CFHR5: variants seen among roughly 807,000 people sequenced by gnomAD.
CFHR5 encodes complement factor H-related protein 5.
Under a neutral mutation model 62.9 loss-of-function variants are expected in CFHR5, and 73 were observed. The ratio of observed to expected loss-of-function variants is 1.16; its 90% CI spans 0.96 to 1.41. The LOEUF (loss-of-function observed/expected upper bound fraction) is 1.41. CFHR5 is among the 40% of genes most tolerant of loss of function. CFHR5 has a pLI of 0.00. For missense variants in CFHR5, 779 were observed against 679.9 expected (o/e 1.15, Z -1.62); for synonymous variants, 249 against 227.2 (o/e 1.10, Z -0.86).
rs754934306 is a variant in CFHR5 at position 196,984,033 on chromosome 1, C to T, written c.326C>T (p.Thr109Ile). The change falls in exon 3 of 10, where the codon ACT (threonine) becomes ATT (isoleucine). Residue 109 changes from threonine to isoleucine, a missense_variant. Coordinates refer to ENST00000256785, the MANE Select transcript of CFHR5 (RefSeq NM_030787.4). ...GGACTAATACATCTGGAAGGTGATA[C>T]TGTACAAATTATTTGCAACACAGGA... ...SSGLIHLEGD[T>I]VQIICNTGYS... 3.7e-6 allele frequency: 6 copies of T among 1,612,362 alleles called. No individual in the cohort carries two copies. The highest frequency in any genetic ancestry group is 5.1e-6 in the Non-Finnish European group (6 of 1,178,604).
chr1:196,999,677 G>A (rs1654080263), intron 7 of CFHR5, among the ~76,000 whole-genome samples: 1 of 105,220 alleles, frequency 9.5e-6, no homozygotes, highest in African/African-American at 4.0e-5. Context: ...TCTATTTTGG[G>A]AAAAAGTATA....
rs753176414 is a variant in CFHR5 at position 197,002,493 on chromosome 1, C to A, written c.1159C>A (p.Gln387Lys). The A allele has an allele frequency of 6.2e-7, 1 of 1,612,446 alleles. No individual in the cohort carries two copies. The highest frequency in any genetic ancestry group is 1.3e-5 in the African/African-American group (1 of 74,906). The change falls in exon 8 of 10, where the codon CAA becomes AAA. Residue 387 changes from glutamine to lysine, a missense_variant. Physicochemically the swap from Gln to Lys is moderately conservative, Grantham distance 53 (BLOSUM62 1). Coordinates refer to ENST00000256785, the MANE Select transcript of CFHR5 (RefSeq NM_030787.4). ...CCAATATTTTGTAGAAAAAAGGGAA[C>A]AATTCTGCCCACCGCCACCTCAGAT... ...PEVDCTEKREQFCPPPPQIPN... is the reference protein window; with the variant it reads ...PEVDCTEKREKFCPPPPQIPN...
intron 7 of CFHR5, among the ~76,000 whole-genome samples, chr1:197,000,220 A>G (rs1654114347): frequency 6.6e-6 from 1 of 152,108 alleles, no homozygotes; most frequent in Admixed American, 6.6e-5. Flanking sequence ...GCTGGTAGCT[A>G]GTAGTCTGGA....
chr1:197,005,149 T>C (rs943440855), intron 9 of CFHR5, among the ~76,000 whole-genome samples: 1 of 152,174 alleles, frequency 6.6e-6, no homozygotes, highest in Non-Finnish European at 1.5e-5. Context: ...GTTATAAGCA[T>C]CTACCTGAGA....
chr1:196,987,658 A>C (rs1171123017), intron 3 of CFHR5, among the ~76,000 whole-genome samples: 1 of 152,126 alleles, frequency 6.6e-6, no homozygotes, highest in Non-Finnish European at 1.5e-5. Flanking sequence ...GGTTTGTCAA[A>C]GATCAAATGG....
intron 7 of CFHR5, among the ~76,000 whole-genome samples, chr1:197,001,202 C>A (rs1170432126): frequency 1.3e-5 from 2 of 151,946 alleles, no homozygotes; most frequent in African/African-American, 4.8e-5. Flanking sequence ...ACATAAAATA[C>A]GCATCAGTGG....
At position 196,998,292 on chromosome 1, in the gene CFHR5, G is replaced by A. The variant is rs111327589; in HGVS notation, c.1135G>A (p.Val379Ile). 4.3e-6 allele frequency: 7 copies of A among 1,610,828 alleles called. No individual in the cohort carries two copies. In the East Asian group the frequency reaches 1.6e-4, roughly 36 times the overall value. The change falls in exon 7 of 10, where the codon GTA becomes ATA. Residue 379 changes from valine to isoleucine, a missense_variant. Coordinates refer to ENST00000256785, the MANE Select transcript of CFHR5 (RefSeq NM_030787.4). ...VCINGKWNPE[V>I]DCTEKREQFC... ...TATAAACGGGAAATGGAATCCTGAA[G>A]TAGACTGCACAGGTAAGATTTGTTT...
At position 196,998,306 on chromosome 1, in the gene CFHR5, T is replaced by A. The variant is rs1414711278; in HGVS notation, c.1147+2T>A. 7 of 1,608,530 alleles carry A rather than the reference T, an allele frequency of 4.4e-6. No homozygotes were observed. Among genetic ancestry groups the A allele is most frequent in the African/African-American group, 2.7e-5 (2 of 74,788 alleles). On this transcript the variant is annotated splice_donor_variant, in intron 7 of 9. Coordinates refer to ENST00000256785, the MANE Select transcript of CFHR5 (RefSeq NM_030787.4). LOFTEE classifies it high-confidence loss of function. ...GGAATCCTGAAGTAGACTGCACAGGTAAGATTTGTTTAAAACATTTTGTTG... is the reference window on the plus strand; with the variant it reads ...GGAATCCTGAAGTAGACTGCACAGGAAAGATTTGTTTAAAACATTTTGTTG...
intron 8 of CFHR5, among the ~76,000 whole-genome samples, chr1:197,003,374 G>C (rs1379200291): frequency 6.6e-6 from 1 of 152,108 alleles, no homozygotes; most frequent in Admixed American, 6.6e-5. Flanking sequence ...GCAATAGGCT[G>C]CACCATATAG....
intron 3 of CFHR5, among the ~76,000 whole-genome samples, chr1:196,990,865 G>A (rs1201174802): frequency 1.3e-5 from 2 of 152,096 alleles, no homozygotes; most frequent in Middle Eastern, 3.2e-3. Context: ...TTCTCGAGGA[G>A]TATTTTTTTG....
At chr1:196,990,437 C>A (rs144816896) in intron 3 of CFHR5, among the ~76,000 whole-genome samples, 1 of 151,962 alleles carries the variant, frequency 6.6e-6, no homozygotes, top group East Asian at 1.9e-4. Context: ...TTATTTTGCC[C>A]GTTAGTTGAT....
At chr1:197,000,347 T>C (rs746164824) in intron 7 of CFHR5, among the ~76,000 whole-genome samples, 12 of 152,078 alleles carry the variant, frequency 7.9e-5, no homozygotes, top group Non-Finnish European at 1.6e-4. Context: ...CAAGAAGTTA[T>C]TTGGTCAAAA....
intron 9 of CFHR5, among the ~76,000 whole-genome samples, chr1:197,006,940 G>A (rs554012373): frequency 1.3e-5 from 2 of 151,274 alleles, no homozygotes; most frequent in Admixed American, 6.6e-5. Flanking sequence ...GGGTTCAAGC[G>A]ATTCTCCTGC....
intron 3 of CFHR5, among the ~76,000 whole-genome samples, chr1:196,991,201 T>A (rs1571518681): frequency 6.6e-6 from 1 of 152,168 alleles, no homozygotes; most frequent in African/African-American, 2.4e-5. Flanking sequence ...CGTGCCATGG[T>A]TTTCAGCTCC....
intron 3 of CFHR5, among the ~76,000 whole-genome samples, chr1:196,984,909 T>C (rs1351850346): frequency 1.3e-5 from 2 of 152,198 alleles, no homozygotes; most frequent in African/African-American, 2.4e-5. Context: ...TCCTGGGTTC[T>C]CCCTCCTTGC....
At chr1:196,975,357 T>C (rs1233791295), upstream of CFHR5, among the ~76,000 whole-genome samples, 1 of 152,230 alleles carries the variant, frequency 6.6e-6, no homozygotes, top group African/African-American at 2.4e-5. Context: ...ATTTTTGAGC[T>C]TTTGTTGTTG....
At chr1:196,976,068 G>A (rs190468169), upstream of CFHR5, among the ~76,000 whole-genome samples, 27 of 152,296 alleles carry the variant, frequency 1.8e-4, no homozygotes, top group African/African-American at 5.5e-4. Flanking sequence ...AAATGGTCTA[G>A]AGTGTGATGC....
intron 2 of CFHR5, among the ~76,000 whole-genome samples, chr1:196,983,724 C>A (rs1360076907): frequency 1.3e-5 from 2 of 152,150 alleles, no homozygotes; most frequent in East Asian, 3.9e-4. Flanking sequence ...AGTTTATAAA[C>A]ACAAGATTTT....
rs560067681 is a variant in CFHR5 at position 196,991,872 on chromosome 1, C to T, written c.431-2208C>T. 8.4e-4 allele frequency among the ~76,000 whole-genome samples: 128 copies of T among 152,294 alleles called. 1 individual carries two copies. The highest frequency in any genetic ancestry group is 2.9e-3 in the African/African-American group (121 of 41,568). Reference sequence around the variant, plus strand: ...GACCCACTTGAGGAGGCAATCTGTCCGTTCTCAGAGCTCAAACACCATGCT... The same window carrying T: ...GACCCACTTGAGGAGGCAATCTGTCTGTTCTCAGAGCTCAAACACCATGCT... On this transcript the variant is annotated intron_variant, in intron 3 of 9. Coordinates refer to ENST00000256785, the MANE Select transcript of CFHR5 (RefSeq NM_030787.4).
Sources: gnomAD v4.1 joint callset for allele counts (sites outside exome capture counted in the v4.1 genomes callset) on GRCh38, gnomAD v4.1.1 for gene constraint, MANE v1.5 for transcripts, NCBI Gene and HGNC (gene_info 2026-07-23, HGNC 2026-07-21) for gene names.